Variants in BTBD2 observed in about 807,000 individuals in gnomAD.
The protein encoded by BTBD2 is BTB domain containing 2.
BTBD2 carries 15 observed loss-of-function variants against 44.0 expected under a neutral mutation model. The observed-to-expected ratio is 0.34, with a 90% CI of 0.23 to 0.53. The LOEUF (loss-of-function observed/expected upper bound fraction) is 0.53, where lower values mean the gene tolerates loss of function less well. BTBD2 is among the 20% of genes least tolerant of loss of function. The pLI is 0.95. For missense variants in BTBD2, 657 were observed against 746.4 expected, an observed-to-expected ratio of 0.88 and a Z score of 1.39; for synonymous variants, 443 against 335.9, an observed-to-expected ratio of 1.32 and a Z score of -3.49.
chr19:2,010,338 G>T (rs536466405), intron 1 of BTBD2, among the ~76,000 whole-genome samples: 2 of 152,148 alleles, frequency 1.3e-5, no homozygotes, highest in Non-Finnish European at 2.9e-5. Flanking sequence ...GCTCCAGCGC[G>T]CTGAGATGGA....
chr19:2,003,790 GAAAGAAAAGA>G (rs199521716), intron 1 of BTBD2, among the ~76,000 whole-genome samples: 20,826 of 146,514 alleles, frequency 0.14, 1,680 homozygotes, highest in East Asian at 0.3. Flanking sequence ...AAAAAAAAGA[GAAAGAAAAGA>G]AAAGAAAAGA....
At chr19:2,001,021 C>T (rs147917630) in intron 1 of BTBD2, among the ~76,000 whole-genome samples, 11 of 152,328 alleles carry the variant, frequency 7.2e-5, no homozygotes, top group East Asian at 1.9e-4. Flanking sequence ...CAGTGGCTCA[C>T]GCCTGTACTC....
Position 1,993,039 on chromosome 19 carries a change from G to C in BTBD2, c.665C>G (p.Ala222Gly), listed in dbSNP as rs1403513618. 1 of 1,598,998 alleles carries C rather than the reference G, an allele frequency of 6.3e-7. No individual in the cohort carries two copies. Among genetic ancestry groups the C allele is most frequent in the Non-Finnish European group, 8.5e-7 (1 of 1,177,370 alleles). Residue 222 changes from alanine (A) to glycine (G), a missense_variant, in exon 3 of 9, where the codon GCC becomes GGC. Ala to Gly is a moderately conservative substitution (Grantham distance 60). Around this residue, in one of 3 missense-constraint regions of BTBD2, gnomAD observed 449 missense variants for 510.9 expected, o/e 0.88. Coordinates refer to ENST00000255608, the MANE Select transcript of BTBD2 (RefSeq NM_017797.4). ...FLKKNLRADN[A>G]FMLLTQARLF... ...GCCCACCTGCGTGAGCAGCATGAAG[G>C]CGTTGTCGGCTCGCAGGTTCTTCTT...
intron 4 of BTBD2, 117 bp from the exon 5 acceptor site, chr19:1,990,318 G>A: frequency 1.8e-6 from 2 of 1,124,714 alleles, no homozygotes; most frequent in Non-Finnish European, 2.5e-6. Flanking sequence ...TATGGCCCGT[G>A]GCCCAAATCT....
At chr19:1,992,963 CGG>C in intron 3 of BTBD2, 55 bp downstream of exon 3, 18 of 972,626 alleles carry the variant, frequency 1.9e-5, no homozygotes, top group Non-Finnish European at 2.2e-5. Context: ...CGCCCCACCC[CGG>C]CCCCGCCTCC....
At chr19:1,999,346 C>A (rs569952794) in intron 1 of BTBD2, among the ~76,000 whole-genome samples, 1 of 152,296 alleles carries the variant, frequency 6.6e-6, no homozygotes, top group East Asian at 1.9e-4. Context: ...GAAGGCTGGC[C>A]CTAAACAGTG....
intron 1 of BTBD2, chr19:2,002,968 A>G (rs1173681591): frequency 6.6e-6 from 1 of 152,104 alleles, no homozygotes; most frequent in African/African-American, 2.4e-5. Context: ...ACCCACACAC[A>G]GTGCCAGAAC....
intron 1 of BTBD2, among the ~76,000 whole-genome samples, chr19:1,997,685 T>C (rs1483191357): frequency 6.6e-6 from 1 of 152,214 alleles, no homozygotes; most frequent in Non-Finnish European, 1.5e-5. Flanking sequence ...GCTAGGACCA[T>C]GCCCTGGGCC....
intron 2 of BTBD2, among the ~76,000 whole-genome samples, chr19:1,995,279 CTTTTTTT>C (rs71174402): frequency 2.0e-3 from 241 of 122,684 alleles, no homozygotes; most frequent in African/African-American, 5.3e-3. Context: ...ACTTTGGATT[CTTTTTTT>C]TTTTTTTTTT....
At chr19:1,992,733 G>A (rs2016196243) in intron 3 of BTBD2, among the ~76,000 whole-genome samples, 2 of 151,724 alleles carry the variant, frequency 1.3e-5, no homozygotes, top group South Asian at 4.1e-4. Context: ...CACCACGCCC[G>A]GCTCTTTTTT....
intron 5 of BTBD2, 77 bp from the exon 6 acceptor site, chr19:1,987,769 C>T (rs994498519): frequency 1.5e-5 from 21 of 1,393,066 alleles, no homozygotes; most frequent in Non-Finnish European, 1.9e-5. Flanking sequence ...CACGCTCCTT[C>T]CCCCTAAGAT....
At chr19:1,991,425 C>T (rs75031610) in intron 3 of BTBD2, 2,134 of 153,070 alleles carry the variant, frequency 0.014, 41 homozygotes, top group Admixed American at 0.047. Flanking sequence ...GGCATCCTCC[C>T]GAGGACACCT....
At chr19:2,012,419 G>A (rs1164091882) in intron 1 of BTBD2, among the ~76,000 whole-genome samples, 1 of 152,200 alleles carries the variant, frequency 6.6e-6, no homozygotes, top group Non-Finnish European at 1.5e-5. Flanking sequence ...CAAAGTGCTG[G>A]GATTCCAGGC....
Position 1,999,388 on chromosome 19 carries a change from C to T in BTBD2, c.408-1925G>A, listed in dbSNP as rs555972568. Among the ~76,000 whole-genome samples, 242 of 152,324 alleles carry T rather than the reference C, an allele frequency of 1.6e-3. 1 individual carries two copies. Among genetic ancestry groups the T allele is most frequent in the Non-Finnish European group, 2.2e-3 (153 of 68,018 alleles). ...GTTTTTGGAAGGAGGAGAAACAGGCCGGGCACGGTGGCCCACACCCGTCAT... is the reference window on the plus strand; with the variant it reads ...GTTTTTGGAAGGAGGAGAAACAGGCTGGGCACGGTGGCCCACACCCGTCAT... On this transcript the variant is annotated intron_variant, in intron 1 of 8. Transcript: ENST00000255608.
At chr19:2,014,883 C>CT (rs1240591307) in intron 1 of BTBD2, among the ~76,000 whole-genome samples, 1 of 147,698 alleles carries the variant, frequency 6.8e-6, no homozygotes, top group Non-Finnish European at 1.5e-5. Context: ...CCAGGGGGGC[C>CT]TGGGGATGGA....
intron 3 of BTBD2, chr19:1,991,361 TG>T: frequency 6.5e-6 from 1 of 155,034 alleles, no homozygotes; most frequent in South Asian, 2.0e-4. Context: ...GCTTAGTTAG[TG>T]GAAGGTGCTG....
chr19:2,002,424 C>T (rs951986292), intron 1 of BTBD2, among the ~76,000 whole-genome samples: 8 of 152,176 alleles, frequency 5.3e-5, no homozygotes, highest in African/African-American at 1.4e-4. Context: ...AGCTCAAGGA[C>T]GGAGATGTGG....
At chr19:1,991,632 G>A (rs1427272080) in intron 3 of BTBD2, among the ~76,000 whole-genome samples, 1 of 152,214 alleles carries the variant, frequency 6.6e-6, no homozygotes, top group Admixed American at 6.5e-5. Context: ...TGGAGGGGGA[G>A]AAGGTTCTGG....
intron 1 of BTBD2, among the ~76,000 whole-genome samples, chr19:2,005,981 G>A (rs1442760035): frequency 6.6e-6 from 1 of 151,744 alleles, no homozygotes. Flanking sequence ...CCAGCTACTT[G>A]GGAGGCTAAG....
Sources: allele counts gnomAD v4.1 joint callset (sites outside exome capture counted in the v4.1 genomes callset), GRCh38; gene constraint gnomAD v4.1.1; regional missense constraint gnomAD v4.1.1; transcripts MANE v1.5; gene names NCBI Gene and HGNC (gene_info 2026-07-23, HGNC 2026-07-21).